The following ALDH1A2 variants were observed in gnomAD, a reference collection of about 807,000 sequenced individuals.
The protein encoded by ALDH1A2 is retinal dehydrogenase 2.
Under a neutral mutation model 60.3 loss-of-function variants are expected in ALDH1A2, and 27 were observed. The ratio of observed to expected loss-of-function variants is 0.45; its 90% CI spans 0.33 to 0.62. The LOEUF is 0.62. Among genes scored for constraint, ALDH1A2 ranks in the 20% least tolerant of loss-of-function variants. The probability of loss-of-function intolerance (pLI) is 0.02; values close to 1 mark genes in which losing one functional copy is unlikely to be tolerated. For synonymous variants in ALDH1A2, 289 were observed against 232.4 expected (o/e 1.24, Z -2.21); for missense variants, 581 against 643.8 (o/e 0.90, Z 1.06).
At position 57,961,132 on chromosome 15, in the gene ALDH1A2, C is replaced by G. The variant is rs1208203200; in HGVS notation, c.1409+5G>C. 3 of 1,613,886 alleles carry G rather than the reference C, an allele frequency of 1.9e-6. No individual in the cohort carries two copies. The highest frequency in any genetic ancestry group is 2.5e-6 in the Non-Finnish European group (3 of 1,180,004). ...AATTTGTTACAAGACTGACTCTGATCTTACCAAACAGTCCCAGCTTGCATT... is the reference window on the plus strand; with the variant it reads ...AATTTGTTACAAGACTGACTCTGATGTTACCAAACAGTCCCAGCTTGCATT... On this transcript the variant is annotated splice_donor_5th_base_variant and intron_variant, in intron 11 of 12. Transcript: ENST00000249750.
intron 1 of ALDH1A2, among the ~76,000 whole-genome samples, chr15:58,039,776 G>C (rs1376688169): frequency 6.6e-6 from 1 of 151,730 alleles, no homozygotes; most frequent in Non-Finnish European, 1.5e-5. Flanking sequence ...GAGCTGAAAA[G>C]AGAAAAGAAG....
chr15:57,986,982 T>C (rs1169366268), intron 7 of ALDH1A2, among the ~76,000 whole-genome samples: 1 of 152,124 alleles, frequency 6.6e-6, no homozygotes, highest in Non-Finnish European at 1.5e-5. Context: ...AATAGATGTC[T>C]ACACAAATTT....
At chr15:58,012,489 A>C (rs1367085308) in intron 3 of ALDH1A2, among the ~76,000 whole-genome samples, 1 of 152,202 alleles carries the variant, frequency 6.6e-6, no homozygotes, top group African/African-American at 2.4e-5. Flanking sequence ...GATGAGACTC[A>C]AATAAGCTTG....
chr15:57,963,837 G>A lies in ALDH1A2; in HGVS notation c.1086+48C>T, dbSNP rs1439568445. ...CCTACTACAGTGTACACAGTTCTGT[G>A]CCAGTCAAGGATTAAGTAAACAAAG... On this transcript the variant is annotated intron_variant, in intron 9 of 12. Coordinates refer to ENST00000249750, the MANE Select transcript of ALDH1A2 (RefSeq NM_003888.4). 3 of 1,599,678 alleles carry A rather than the reference G, an allele frequency of 1.9e-6. No individual in the cohort carries two copies. The African/African-American group carries it at 4.0e-5, about 21-fold the overall frequency.
chr15:57,973,725 C>T (rs1894146751), intron 7 of ALDH1A2, among the ~76,000 whole-genome samples: 1 of 152,170 alleles, frequency 6.6e-6, no homozygotes, highest in Admixed American at 6.5e-5. Flanking sequence ...CCAATAATGT[C>T]ATTCCAGAGA....
chr15:58,030,401 G>A (rs1896203556), intron 1 of ALDH1A2, among the ~76,000 whole-genome samples: 1 of 152,044 alleles, frequency 6.6e-6, no homozygotes, highest in Non-Finnish European at 1.5e-5. Context: ...AAAATAATAA[G>A]AGCTATTTAT....
In ALDH1A2 at chr15:58,013,884, C is replaced by G. The variant is rs747378369; in HGVS notation, c.337G>C (p.Val113Leu). 1.1e-5 allele frequency: 18 copies of G among 1,614,104 alleles called. No individual in the cohort carries two copies. Among genetic ancestry groups the G allele is most frequent in the Non-Finnish European group, 1.5e-5 (18 of 1,180,030 alleles). The change falls in exon 3 of 13, where the codon GTG (valine) becomes CTG (leucine). Residue 113 changes from valine (V) to leucine (L), a missense_variant. By Grantham distance (32) the Val-to-Leu change is conservative. Around this residue, in one of 2 missense-constraint regions of ALDH1A2, gnomAD observed 206 missense variants for 174.1 expected, o/e 1.18. Transcript: ENST00000249750. ...GRLLDKLADL[V>L]ERDRAVLATM... ...GCAAGAACTGCCCTGTCCCGTTCCA[C>G]CAAGTCTGCAAGCTTATCCAACAGA... is the stretch of plus-strand genomic sequence containing the variant.
chr15:57,998,913 TGATCTTC>T (rs1895158034), intron 4 of ALDH1A2, among the ~76,000 whole-genome samples: 1 of 152,174 alleles, frequency 6.6e-6, no homozygotes, highest in Non-Finnish European at 1.5e-5. Flanking sequence ...TACAACCATC[TGATCTTC>T]GACAAACCTG....
At chr15:58,006,435 T>C (rs1895460854) in intron 4 of ALDH1A2, among the ~76,000 whole-genome samples, 1 of 151,986 alleles carries the variant, frequency 6.6e-6, no homozygotes, top group African/African-American at 2.4e-5. Context: ...GTTAGGTTGG[T>C]ACCATATTTT....
intron 1 of ALDH1A2, among the ~76,000 whole-genome samples, chr15:58,037,211 C>T (rs1425992448): frequency 6.6e-6 from 1 of 151,262 alleles, no homozygotes; most frequent in African/African-American, 2.4e-5. Flanking sequence ...AATCAGAAAA[C>T]TCATATAGGT....
At chr15:58,000,590 A>G (rs1480847909) in intron 4 of ALDH1A2, among the ~76,000 whole-genome samples, 2 of 152,002 alleles carry the variant, frequency 1.3e-5, no homozygotes, top group African/African-American at 4.8e-5. Context: ...TGGGCTGGTA[A>G]TATTTTCTTC....
chr15:58,020,905 T>C (rs1000713029), intron 1 of ALDH1A2, among the ~76,000 whole-genome samples: 2 of 152,206 alleles, frequency 1.3e-5, no homozygotes, highest in African/African-American at 4.8e-5. Flanking sequence ...TTTCTACCTT[T>C]ATAATTTTCG....
intron 9 of ALDH1A2, among the ~76,000 whole-genome samples, chr15:57,962,552 A>C (rs543748293): frequency 1.3e-5 from 2 of 152,336 alleles, no homozygotes; most frequent in East Asian, 3.9e-4. Flanking sequence ...ATTGATAGTA[A>C]AAAGAGGCAA....
At position 58,001,169 on chromosome 15, in the gene ALDH1A2, A is replaced by C. The variant is rs190744462; in HGVS notation, c.494-6030T>G. On this transcript the variant is annotated intron_variant, in intron 4 of 12. Transcript: ENST00000249750. ...GCAACTATCATTATCAGCATCTTAT[A>C]AACAGAGAAAATATGGCACAGAGAG... 8.3e-3 allele frequency among the ~76,000 whole-genome samples: 1,258 copies of C among 151,880 alleles called. 7 individuals carry two copies. The highest frequency in any genetic ancestry group is 0.031 in the Middle Eastern group (9 of 294).
chr15:58,047,236 TTTTG>T (rs1896660370), intron 1 of ALDH1A2, among the ~76,000 whole-genome samples: 1 of 151,992 alleles, frequency 6.6e-6, no homozygotes, highest in Non-Finnish European at 1.5e-5. Context: ...TAATAAAACG[TTTTG>T]TTTTTTTAAT....
At chr15:57,965,862 T>C (rs1281118830) in intron 7 of ALDH1A2, 35 bp from the exon 8 acceptor site, 1 of 1,553,702 alleles carries the variant, frequency 6.4e-7, no homozygotes. Context: ...GTTTTGCAAA[T>C]CCTGCAGGTG....
At chr15:58,051,194 G>A (rs375866999) in intron 1 of ALDH1A2, among the ~76,000 whole-genome samples, 1 of 152,084 alleles carries the variant, frequency 6.6e-6, no homozygotes, top group East Asian at 1.9e-4. Flanking sequence ...CTTACCCCAG[G>A]AACTGGATTA....
Position 57,961,042 on chromosome 15 carries a change from T to C in ALDH1A2, c.1409+95A>G, listed in dbSNP as rs554304257. Reference sequence around the variant, plus strand: ...TTTTCTGGTGAACTTTGGTTGCTTTTGGTATTCCCCATCCTTCCAAGGAGA... The same window carrying C: ...TTTTCTGGTGAACTTTGGTTGCTTTCGGTATTCCCCATCCTTCCAAGGAGA... On this transcript the variant is annotated intron_variant, in intron 11 of 12. Coordinates refer to ENST00000249750, the MANE Select transcript of ALDH1A2 (RefSeq NM_003888.4). 1.2e-5 allele frequency: 18 copies of C among 1,540,854 alleles called. No homozygotes were observed. The African/African-American group carries it at 2.0e-4, about 17-fold the overall frequency.
intron 1 of ALDH1A2, among the ~76,000 whole-genome samples, chr15:58,025,093 AAATT>A (rs1896042863): frequency 6.6e-6 from 1 of 152,146 alleles, no homozygotes; most frequent in Non-Finnish European, 1.5e-5. Flanking sequence ...GAAAGATTAT[AAATT>A]AATAATCTTT....
Sources: allele counts gnomAD v4.1 joint callset (sites outside exome capture counted in the v4.1 genomes callset), GRCh38; gene constraint gnomAD v4.1.1; regional missense constraint gnomAD v4.1.1; transcripts MANE v1.5; gene names NCBI Gene and HGNC (gene_info 2026-07-23, HGNC 2026-07-21).